Variants in ANKRD10 observed in about 807,000 individuals in gnomAD.
ANKRD10 encodes ankyrin repeat domain-containing protein 10.
A neutral mutation model predicts 27.0 loss-of-function variants in ANKRD10; 14 were observed. The ratio of observed to expected loss-of-function variants is 0.52; its 90% CI spans 0.34 to 0.81. The LOEUF is 0.81. Ranked by LOEUF, ANKRD10 falls within the 40% of genes least tolerant of loss-of-function variation. ANKRD10 has a pLI of 0.01. For missense variants in ANKRD10, 493 were observed against 544.0 expected (o/e 0.91, Z 0.93); for synonymous variants, 250 against 224.5 (o/e 1.11, Z -1.01).
At chr13:110,886,578 TTTAA>T (rs1401246418) in intron 4 of ANKRD10, among the ~76,000 whole-genome samples, 2 of 152,202 alleles carry the variant, frequency 1.3e-5, no homozygotes, top group African/African-American at 4.8e-5. Flanking sequence ...AATTATCTCT[TTTAA>T]TTATGTTGTA....
Position 110,915,044 on chromosome 13 carries a change from C to T in ANKRD10, c.-110G>A. On this transcript the variant is annotated 5_prime_UTR_variant, in exon 1 of 6. Coordinates refer to ENST00000267339, the MANE Select transcript of ANKRD10 (RefSeq NM_017664.4). ...AACGAGACTAGCGCCGCGGTCGCGT[C>T]CCACAGGCTGCCGAGCGGAGCGCGC... The T allele has an allele frequency of 1.4e-6, 2 of 1,425,516 alleles. No homozygotes were observed. The highest frequency in any genetic ancestry group is 1.8e-6 in the Non-Finnish European group (2 of 1,094,264). The allele number at this position is 1,425,516 out of a possible 1,614,324, so 88.3% of individuals were successfully genotyped here.
chr13:110,914,773 G>T lies in ANKRD10; in HGVS notation c.162C>A (p.Asp54Glu). The T allele has an allele frequency of 6.3e-7, 1 of 1,599,276 alleles. No individual in the cohort carries two copies. The highest frequency in any genetic ancestry group is 8.5e-7 in the Non-Finnish European group (1 of 1,173,504). ...GCACGGGCGTCCAGCCATAGAAGGAGTCCTCAGAGGCCAGGTGGGCGTGGG... is the reference window on the plus strand; with the variant it reads ...GCACGGGCGTCCAGCCATAGAAGGATTCCTCAGAGGCCAGGTGGGCGTGGG... The part of the protein sequence containing the change: ...QTPHAHLASE[D>E]SFYGWTPVHW... The change falls in exon 1 of 6, where the codon GAC (aspartate) becomes GAA (glutamate). Residue 54 changes from aspartate to glutamate, a missense_variant. Asp to Glu is a conservative substitution (Grantham distance 45). Coordinates refer to ENST00000267339, the MANE Select transcript of ANKRD10 (RefSeq NM_017664.4).
intron 4 of ANKRD10, among the ~76,000 whole-genome samples, chr13:110,885,416 C>T (rs1181582034): frequency 6.6e-6 from 1 of 151,982 alleles, no homozygotes; most frequent in African/African-American, 2.4e-5. Flanking sequence ...GGCGTGGTGG[C>T]GAGTGCCTGT....
At chr13:110,894,126 A>G in intron 3 of ANKRD10, 1 of 1,610,210 alleles carries the variant, frequency 6.2e-7, no homozygotes. Context: ...CACTGAATTA[A>G]AACTGAGGGA....
rs1415958611 is a variant in ANKRD10, at chr13:110,914,812, C to T, written c.123G>A (p.Leu41=). The T allele has an allele frequency of 6.3e-7, 1 of 1,591,912 alleles. No homozygotes were observed. Among genetic ancestry groups the T allele is most frequent in the Admixed American group, 1.7e-5 (1 of 57,388 alleles). Residue 41 remains leucine, a synonymous_variant, in exon 1 of 6, where the codon CTG becomes CTA. Coordinates refer to ENST00000267339, the MANE Select transcript of ANKRD10 (RefSeq NM_017664.4). ...GGTGGGCGTGGGGTGTCTGCTGCAG[C>T]AGCGAGCAGAGCGTGGCCAGGTCCC... ...RDGDLATLCS[L]LQQTPHAHLA...
chr13:110,892,365 G>A (rs2138838028), intron 4 of ANKRD10, among the ~76,000 whole-genome samples: 1 of 124,978 alleles, frequency 8.0e-6, no homozygotes, highest in South Asian at 2.6e-4. Flanking sequence ...GGGAGCCGGA[G>A]GTTGCAGTGA....
intron 5 of ANKRD10, 42 bp downstream of exon 5, chr13:110,883,656 T>C (rs375824338): frequency 4.3e-5 from 69 of 1,610,600 alleles, no homozygotes; most frequent in Non-Finnish European, 5.6e-5. Flanking sequence ...TCTTCAACCA[T>C]TGGATTGTTG....
chr13:110,908,081 G>T (rs569176189), intron 2 of ANKRD10, among the ~76,000 whole-genome samples: 7,884 of 152,190 alleles, frequency 0.052, 274 homozygotes, highest in Non-Finnish European at 0.074. Flanking sequence ...TAAGACTAAA[G>T]AGCCAGGTGA....
chr13:110,896,336 C>T (rs1453043025), intron 3 of ANKRD10, among the ~76,000 whole-genome samples: 1 of 152,194 alleles, frequency 6.6e-6, no homozygotes, highest in Non-Finnish European at 1.5e-5. Context: ...TTCCTTGTTA[C>T]CAAGGGCTGA....
chr13:110,898,017 A>G (rs2065274968), intron 3 of ANKRD10, among the ~76,000 whole-genome samples: 1 of 152,206 alleles, frequency 6.6e-6, no homozygotes, highest in African/African-American at 2.4e-5. Flanking sequence ...TTCAATTCAA[A>G]CAACTTTTTA....
chr13:110,890,653 T>C (rs1021469192), intron 4 of ANKRD10, among the ~76,000 whole-genome samples: 6 of 152,232 alleles, frequency 3.9e-5, no homozygotes, highest in South Asian at 4.1e-4. Context: ...ACATCAGTCA[T>C]GTACTGTGTA....
chr13:110,914,732 A>C lies in ANKRD10; in HGVS notation c.203T>G (p.Phe68Cys). 1 of 1,584,846 alleles carries C rather than the reference A, an allele frequency of 6.3e-7. No homozygotes were observed. The highest frequency in any genetic ancestry group is 1.8e-5 in the Admixed American group (1 of 56,634). Residue 68 changes from phenylalanine to cysteine, a missense_variant, in exon 1 of 6, where the codon TTC becomes TGC. Transcript: ENST00000267339. The part of the protein sequence containing the change: ...GWTPVHWAAH[F>C]GKLECLVQLV... ...TAAAGCGTTCGCACCCACCTTGCCG[A>C]AATGCGCGGCCCAGTGCACGGGCGT...
chr13:110,908,097 C>T (rs2065589559), intron 2 of ANKRD10, among the ~76,000 whole-genome samples: 2 of 152,116 alleles, frequency 1.3e-5, no homozygotes, highest in Admixed American at 1.3e-4. Context: ...GGTGAAGGTG[C>T]CCGGGCCTCC....
At chr13:110,892,851 A>AAT (rs2065118830) in intron 4 of ANKRD10, 177 bp downstream of exon 4, 3 of 1,408,816 alleles carry the variant, frequency 2.1e-6, no homozygotes, top group African/African-American at 1.4e-5. Flanking sequence ...CCTTTTGTTA[A>AAT]GTCCCATCTT....
chr13:110,888,057 C>T (rs192768032), intron 4 of ANKRD10, among the ~76,000 whole-genome samples: 2 of 152,240 alleles, frequency 1.3e-5, no homozygotes, highest in South Asian at 2.1e-4. Context: ...GGTGACCTTT[C>T]GCGGGACCCG....
intron 2 of ANKRD10, among the ~76,000 whole-genome samples, chr13:110,906,418 G>A (rs1296153175): frequency 3.3e-5 from 5 of 151,994 alleles, no homozygotes; most frequent in African/African-American, 9.7e-5. Flanking sequence ...ATCTTAGCAC[G>A]TGTGTTTTAT....
intron 3 of ANKRD10, chr13:110,900,827 AATAC>A (rs2065361530): frequency 1.9e-6 from 1 of 512,896 alleles, no homozygotes; most frequent in Non-Finnish European, 3.3e-6. Flanking sequence ...TTGGATTAAA[AATAC>A]ATAGACAACA....
chr13:110,889,711 T>C (rs998636110), intron 4 of ANKRD10, among the ~76,000 whole-genome samples: 6 of 152,158 alleles, frequency 3.9e-5, no homozygotes, highest in African/African-American at 1.2e-4. Flanking sequence ...TTTTGGCTTT[T>C]TCTTTTTCTT....
intron 3 of ANKRD10, chr13:110,900,711 T>C (rs761004470): frequency 3.0e-6 from 4 of 1,344,872 alleles, no homozygotes; most frequent in Non-Finnish European, 3.9e-6. Context: ...AACATTGACA[T>C]GTGTAGTTTT....
Sources: gnomAD v4.1 joint callset for allele counts (sites outside exome capture counted in the v4.1 genomes callset) on GRCh38, gnomAD v4.1.1 for gene constraint, MANE v1.5 for transcripts, NCBI Gene and HGNC (gene_info 2026-07-23, HGNC 2026-07-21) for gene names.